The following SMC2 variants were observed in gnomAD, a reference collection of about 807,000 sequenced individuals.
SMC2 encodes structural maintenance of chromosomes protein 2.
In SMC2, 41 loss-of-function variants were observed where a neutral mutation model predicts 142.6. The observed-to-expected ratio is 0.29, with a 90% confidence interval of 0.22 to 0.37. The LOEUF (loss-of-function observed/expected upper bound fraction) is 0.37. Among genes scored for constraint, SMC2 ranks in the 10% least tolerant of loss-of-function variants. The pLI is 1.00. For missense variants in SMC2, 1,265 were observed against 1,373.7 expected (o/e 0.92, Z 1.25); for synonymous variants, 463 against 457.5 (o/e 1.01, Z -0.15).
At chr9:104,099,746 A>G in intron 5 of SMC2, 64 bp downstream of exon 5, 1 of 1,004,166 alleles carries the variant, frequency 1.0e-6, no homozygotes, top group African/African-American at 1.7e-5. Flanking sequence ...TCTTTCAGAC[A>G]ATTTTTAAAT....
At chr9:104,090,886 G>A (rs1294161626), upstream of SMC2, among the ~76,000 whole-genome samples, 4 of 152,018 alleles carry the variant, frequency 2.6e-5, no homozygotes, top group Non-Finnish European at 5.9e-5. Context: ...TGATTAAAAG[G>A]ACAAAATAAT....
chr9:104,114,854 AT>A, intron 13 of SMC2, 25 bp downstream of exon 13: 1 of 1,576,404 alleles, frequency 6.3e-7, no homozygotes, highest in Non-Finnish European at 8.6e-7. Flanking sequence ...ATTTTAAAAA[AT>A]TTAAAATTTG....
chr9:104,117,760 A>G (rs1284713189), intron 14 of SMC2, among the ~76,000 whole-genome samples: 1 of 152,178 alleles, frequency 6.6e-6, no homozygotes, highest in Non-Finnish European at 1.5e-5. Flanking sequence ...AGAAAGTTCA[A>G]CCACTGTAAT....
chr9:104,099,719 TA>T (rs1830898804), intron 5 of SMC2, 37 bp downstream of exon 5: 1 of 1,219,146 alleles, frequency 8.2e-7, no homozygotes. Context: ...AAATAGTTGG[TA>T]TAGATATTAC....
At chr9:104,132,668 C>CT (rs1020175319) in intron 22 of SMC2, among the ~76,000 whole-genome samples, 37 of 152,182 alleles carry the variant, frequency 2.4e-4, no homozygotes, top group South Asian at 1.4e-3. Flanking sequence ...TGTAGGAACT[C>CT]TATCTTCAGT....
intron 17 of SMC2, among the ~76,000 whole-genome samples, chr9:104,124,211 C>T (rs982972283): frequency 6.6e-6 from 1 of 152,086 alleles, no homozygotes; most frequent in Non-Finnish European, 1.5e-5. Flanking sequence ...CTCAGCCTCC[C>T]GAGTAGCTGG....
intron 13 of SMC2, among the ~76,000 whole-genome samples, chr9:104,115,433 G>A (rs1353986106): frequency 6.6e-6 from 1 of 151,868 alleles, no homozygotes; most frequent in East Asian, 1.9e-4. Context: ...AAGTTACCCA[G>A]GCGTAGTGGC....
chr9:104,097,445 CTGTCCA>C (rs1232268985), intron 3 of SMC2, among the ~76,000 whole-genome samples: 1 of 148,328 alleles, frequency 6.7e-6, no homozygotes, highest in South Asian at 2.1e-4. Context: ...CTCCTATTTA[CTGTCCA>C]TCTTATCATT....
intron 17 of SMC2, among the ~76,000 whole-genome samples, chr9:104,124,572 T>C (rs974261204): frequency 3.9e-5 from 6 of 152,000 alleles, no homozygotes; most frequent in African/African-American, 7.2e-5. Context: ...ACCATAGTTA[T>C]ACTGTTCTGG....
At chr9:104,096,361 T>C in intron 3 of SMC2, 64 bp downstream of exon 3, 1 of 1,505,904 alleles carries the variant, frequency 6.6e-7, no homozygotes, top group Non-Finnish European at 9.1e-7. Context: ...TTTTTGGCCC[T>C]ATGCCTTTGC....
intron 23 of SMC2, chr9:104,135,808 T>C (rs1239411894): frequency 1.9e-6 from 1 of 518,206 alleles, no homozygotes; most frequent in Non-Finnish European, 3.9e-6. Flanking sequence ...TATGTCAACT[T>C]AGAATTGTAT....
chr9:104,116,942 T>C (rs1426370027), intron 14 of SMC2, among the ~76,000 whole-genome samples: 1 of 152,216 alleles, frequency 6.6e-6, no homozygotes, highest in African/African-American at 2.4e-5. Flanking sequence ...TCAGCTGTAA[T>C]ATCAGTTTTT....
chr9:104,091,348 CAG>C (rs1222004523), upstream of SMC2, among the ~76,000 whole-genome samples: 8 of 152,084 alleles, frequency 5.3e-5, no homozygotes, highest in Non-Finnish European at 7.4e-5. Flanking sequence ...TGTTTCTAAA[CAG>C]AAAGGGTAGT....
intron 9 of SMC2, among the ~76,000 whole-genome samples, chr9:104,110,999 A>G (rs1832376877): frequency 6.6e-6 from 1 of 152,232 alleles, no homozygotes; most frequent in African/African-American, 2.4e-5. Flanking sequence ...TTGATGAATC[A>G]TGAACTAATC....
chr9:104,136,129 C>T (rs10122512), intron 23 of SMC2: 167,576 of 300,138 alleles, frequency 0.56, 49,443 homozygotes, highest in African/African-American at 0.75. Context: ...AGGTTGTCAA[C>T]ATTCACATAA....
chr9:104,104,103 C>T (rs1028461656), intron 9 of SMC2, among the ~76,000 whole-genome samples: 8 of 152,080 alleles, frequency 5.3e-5, no homozygotes, highest in Admixed American at 3.3e-4. Flanking sequence ...AAGGCTAGCA[C>T]TCTGATATCT....
intron 9 of SMC2, among the ~76,000 whole-genome samples, chr9:104,102,946 A>T (rs1223335594): frequency 6.6e-6 from 1 of 152,160 alleles, no homozygotes; most frequent in Non-Finnish European, 1.5e-5. Flanking sequence ...CTTAAGAAAT[A>T]CAGTATGAAT....
rs1314770342 is a variant in SMC2, at chr9:104,139,307, G to C, written c.3586G>C (p.Glu1196Gln). 2 of 1,579,028 alleles carry C rather than the reference G, an allele frequency of 1.3e-6. No homozygotes were observed. Among genetic ancestry groups the C allele is most frequent in the Admixed American group, 2.0e-5 (1 of 50,486 alleles). Reference protein sequence around the residue: ...KAKPPKGAHVEV With the variant: ...KAKPPKGAHVQV ...AAAACCACCCAAAGGAGCACATGTG[G>C]AAGTTTAAACTACAAAGTTATTTCT... is the stretch of plus-strand genomic sequence containing the variant. Residue 1196 changes from glutamate (E) to glutamine (Q), a missense_variant, in exon 25 of 25, where the codon GAA (glutamate) becomes CAA (glutamine). By Grantham distance (29) the Glu-to-Gln change is conservative (BLOSUM62 2). This residue lies in a region of SMC2 where 192 missense variants were observed against 261.9 expected (regional missense o/e 0.73). Coordinates refer to ENST00000374793, the MANE Select transcript of SMC2 (RefSeq NM_006444.3).
chr9:104,127,856 A>G (rs1834485563), intron 20 of SMC2, among the ~76,000 whole-genome samples: 1 of 152,154 alleles, frequency 6.6e-6, no homozygotes, highest in South Asian at 2.1e-4. Context: ...TCACAGAACT[A>G]TATATACAGG....
Sources: gnomAD v4.1 joint callset for allele counts (sites outside exome capture counted in the v4.1 genomes callset) on GRCh38, gnomAD v4.1.1 for gene constraint, gnomAD v4.1.1 regional missense constraint, MANE v1.5 for transcripts, NCBI Gene and HGNC (gene_info 2026-07-23, HGNC 2026-07-21) for gene names.